The following AVEN variants were observed in gnomAD, a reference collection of about 807,000 sequenced individuals.
The protein encoded by AVEN is apoptosis and caspase activation inhibitor.
In AVEN, 41 loss-of-function variants were observed where a neutral mutation model predicts 38.1. The observed-to-expected ratio is 1.08, with a 90% CI of 0.84 to 1.40. The LOEUF (loss-of-function observed/expected upper bound fraction) is 1.40. Ranked by LOEUF, AVEN falls within the 40% of genes most tolerant of loss-of-function variation. The probability of loss-of-function intolerance (pLI) is 0.00; values close to 1 mark genes in which losing one functional copy is unlikely to be tolerated. For missense variants in AVEN, 605 were observed against 438.8 expected, an observed-to-expected ratio of 1.38 and a Z score of -3.38; for synonymous variants, 206 against 171.8, an observed-to-expected ratio of 1.20 and a Z score of -1.56.
intron 2 of AVEN, among the ~76,000 whole-genome samples, chr15:33,985,603 A>G (rs190842238): frequency 2.1e-4 from 32 of 152,050 alleles, no homozygotes; most frequent in African/African-American, 6.5e-4. Context: ...GGCCACTGCA[A>G]TTCAGCTCTC....
At chr15:33,944,938 A>C (rs1894454861) in intron 2 of AVEN, among the ~76,000 whole-genome samples, 1 of 152,214 alleles carries the variant, frequency 6.6e-6, no homozygotes, top group South Asian at 2.1e-4. Context: ...TTGGCATACC[A>C]GGCACGGACT....
rs532389457 is a variant in AVEN, at chr15:34,064,416, C to G, written n.1127-984G>C. 3 of 1,379,348 alleles carry G rather than the reference C, an allele frequency of 2.2e-6. No individual in the cohort carries two copies. In the Admixed American group the frequency reaches 8.6e-5, roughly 39 times the overall value. The allele number at this position is 1,379,348 out of a possible 1,614,324, so 85.4% of individuals were successfully genotyped here. On this transcript the variant is annotated intron_variant and non_coding_transcript_variant, in intron 4 of 11. Transcript: ENST00000675287. The stretch of plus-strand genomic sequence containing the variant: ...TTGTATATTTTCAAAAAGAAGACAT[C>G]TCATTTTGAGTCCTTGAAGATTTTT...
chr15:33,877,117 T>C (rs1426584880), intron 2 of AVEN, among the ~76,000 whole-genome samples: 4 of 152,088 alleles, frequency 2.6e-5, no homozygotes, highest in Non-Finnish European at 4.4e-5. Flanking sequence ...AATAAAGCAG[T>C]TTTATAAAGT....
chr15:33,917,514 C>T (rs1255189485), intron 2 of AVEN, among the ~76,000 whole-genome samples: 4 of 130,932 alleles, frequency 3.1e-5, no homozygotes, highest in African/African-American at 1.3e-4. Context: ...GAATAATTCA[C>T]ACACATACGT....
chr15:33,927,916 G>A (rs535438910), intron 2 of AVEN, among the ~76,000 whole-genome samples: 19 of 152,142 alleles, frequency 1.2e-4, no homozygotes, highest in Admixed American at 2.6e-4. Context: ...TAGCTTTCTG[G>A]AATATTCCCA....
chr15:33,862,446 A>G (rs571410030), downstream of AVEN, among the ~76,000 whole-genome samples: 39 of 152,082 alleles, frequency 2.6e-4, 2 homozygotes, highest in East Asian at 5.8e-3. Flanking sequence ...AGCTCAAGCT[A>G]TCCACCCACC....
intron 2 of AVEN, among the ~76,000 whole-genome samples, chr15:33,886,628 G>C (rs2153039346): frequency 6.6e-6 from 1 of 152,254 alleles, no homozygotes; most frequent in South Asian, 2.1e-4. Flanking sequence ...TCTCTCTCCT[G>C]CCACCTTGTG....
At chr15:33,936,613 A>G (rs948625142) in intron 2 of AVEN, among the ~76,000 whole-genome samples, 1 of 152,218 alleles carries the variant, frequency 6.6e-6, no homozygotes, top group Non-Finnish European at 1.5e-5. Flanking sequence ...ACATTTGGGG[A>G]CTTTTGTCTT....
At chr15:34,075,274 G>A (rs1900706346), upstream of AVEN, among the ~76,000 whole-genome samples, 1 of 152,030 alleles carries the variant, frequency 6.6e-6, no homozygotes, top group Non-Finnish European at 1.5e-5. Context: ...CATGGCTTGG[G>A]AGGCCTCAGG....
At chr15:33,937,545 T>G (rs888781179) in intron 2 of AVEN, among the ~76,000 whole-genome samples, 2 of 146,274 alleles carry the variant, frequency 1.4e-5, no homozygotes, top group East Asian at 4.1e-4. Context: ...AAAAAAAAAA[T>G]AAATCCTTCT....
At chr15:33,873,600 ATATAT>A (rs1891094782) in intron 3 of AVEN, among the ~76,000 whole-genome samples, 1 of 148,620 alleles carries the variant, frequency 6.7e-6, no homozygotes, top group Admixed American at 6.7e-5. Context: ...AATACGTATT[ATATAT>A]TATATATATC....
intron 2 of AVEN, among the ~76,000 whole-genome samples, chr15:33,971,066 T>C (rs1040179338): frequency 1.3e-5 from 2 of 152,020 alleles, no homozygotes; most frequent in South Asian, 2.1e-4. Context: ...ATTTTCTTCA[T>C]GTAGGGTGAA....
chr15:33,973,936 A>G (rs1376214936), intron 2 of AVEN, among the ~76,000 whole-genome samples: 1 of 152,216 alleles, frequency 6.6e-6, no homozygotes, highest in Admixed American at 6.5e-5. Flanking sequence ...GCTGCATTTC[A>G]CTGATAATAG....
chr15:34,034,058 T>G (rs1049547845), intron 1 of AVEN, among the ~76,000 whole-genome samples: 46 of 152,218 alleles, frequency 3.0e-4, no homozygotes, highest in Admixed American at 2.0e-3. Context: ...GTGCTGGGAT[T>G]ACAGGCATGA....
At chr15:34,012,799 C>A (rs1026734950) in intron 1 of AVEN, among the ~76,000 whole-genome samples, 11 of 152,208 alleles carry the variant, frequency 7.2e-5, no homozygotes, top group African/African-American at 2.4e-4. Context: ...ATAGGTCAAG[C>A]CTCTGCCCTC....
At chr15:34,039,573 G>A (rs1339410287), upstream of AVEN, among the ~76,000 whole-genome samples, 1 of 151,998 alleles carries the variant, frequency 6.6e-6, no homozygotes, top group Admixed American at 6.6e-5. Flanking sequence ...AAACTATACC[G>A]AAGTCAGGGT....
In AVEN at chr15:33,953,720, T is replaced by C. The variant is rs141104261; in HGVS notation, c.445+49312A>G. On this transcript the variant is annotated intron_variant, in intron 2 of 5. Coordinates refer to ENST00000306730, the MANE Select transcript of AVEN (RefSeq NM_020371.3). ...AACCTAGGCATTACCATTCAGGACA[T>C]AAGCATAGGCAAGGACTTCATGACT... 5.8e-3 allele frequency among the ~76,000 whole-genome samples: 882 copies of C among 152,326 alleles called. 6 individuals are homozygous for C. Among genetic ancestry groups the C allele is most frequent in the African/African-American group, 0.02 (843 of 41,582 alleles).
intron 2 of AVEN, among the ~76,000 whole-genome samples, chr15:33,886,794 T>C (rs77657690): frequency 0.015 from 2,351 of 152,254 alleles, 28 homozygotes; most frequent in Middle Eastern, 0.037. Context: ...ACTAATACAT[T>C]TGTCAACTAA....
At chr15:33,989,899 C>G (rs1018885650) in intron 2 of AVEN, among the ~76,000 whole-genome samples, 1 of 150,318 alleles carries the variant, frequency 6.7e-6, no homozygotes, top group African/African-American at 2.5e-5. Context: ...ACACTAGATG[C>G]TATTAGAACG....
Sources: gnomAD v4.1 joint callset for allele counts (sites outside exome capture counted in the v4.1 genomes callset) on GRCh38, gnomAD v4.1.1 for gene constraint, MANE v1.5 for transcripts, NCBI Gene and HGNC (gene_info 2026-07-23, HGNC 2026-07-21) for gene names.